ESRP2: variants seen among roughly 807,000 people sequenced by gnomAD.
ESRP2 encodes RNA binding motif protein 35A.
A neutral mutation model predicts 78.6 loss-of-function variants in ESRP2; 48 were observed. That is an observed-to-expected ratio of 0.61 (90% confidence interval 0.48 to 0.78). The LOEUF is 0.78. Among genes scored for constraint, ESRP2 ranks in the 30% least tolerant of loss-of-function variants. The pLI is 0.00. For synonymous variants in ESRP2, 383 were observed against 406.7 expected (o/e 0.94, Z 0.70); for missense variants, 863 against 965.9 (o/e 0.89, Z 1.41).
rs2042163616 is a variant in ESRP2, at chr16:68,232,771, T to A, written c.700A>T (p.Thr234Ser). The change falls in exon 6 of 15, where the codon ACG (threonine) becomes TCG (serine). Residue 234 changes from threonine to serine, a missense_variant. Transcript: ENST00000473183. The surrounding 1 kb of genome is among the most constrained non-coding windows in gnomAD (Gnocchi z 5.2). ...TGCTCCCACACTCACCAAGGCCCCGTCTCGTATTTCTGCTTTATCACCTCG... is the reference window on the plus strand; with the variant it reads ...TGCTCCCACACTCACCAAGGCCCCGACTCGTATTTCTGCTTTATCACCTCG... Reference protein sequence around the residue: ...KPEVIKQKYETGPCSKADVVD... With the variant: ...KPEVIKQKYESGPCSKADVVD... The A allele has an allele frequency of 2.5e-6, 4 of 1,614,218 alleles. No homozygotes were observed. The highest frequency in any genetic ancestry group is 1.7e-6 in the Non-Finnish European group (2 of 1,180,032).
Position 68,235,981 on chromosome 16 carries a change from T to C in ESRP2, c.65A>G (p.Asp22Gly). 1 of 1,592,550 alleles carries C rather than the reference T, an allele frequency of 6.3e-7. No individual in the cohort carries two copies. The highest frequency in any genetic ancestry group is 8.5e-7 in the Non-Finnish European group (1 of 1,171,750). The change falls in exon 1 of 15, where the codon GAC (aspartate) becomes GGC (glycine). Residue 22 changes from aspartate to glycine, a missense_variant. Asp to Gly is a moderately conservative substitution (Grantham distance 94). Transcript: ENST00000473183. The surrounding 1 kb of genome is among the most constrained non-coding windows in gnomAD (Gnocchi z 5.5). ...CAGTGATCCGGGCCAGGGGCAGGGG[T>C]CCGCGGCGGGGTCGGCCGCGGGGTC... ...GPDPAADPAA[D>G]PCPWPGSLVV...
chr16:68,230,659 C>T (rs976795198), intron 13 of ESRP2, 105 bp from the exon 14 acceptor site: 73 of 1,438,862 alleles, frequency 5.1e-5, no homozygotes, highest in Admixed American at 9.1e-5. Context: ...TTCAGTTCCT[C>T]CCTGAAGCCC....
intron 13 of ESRP2, 78 bp from the exon 14 acceptor site, chr16:68,230,632 T>G: frequency 6.7e-7 from 1 of 1,489,100 alleles, no homozygotes; most frequent in Middle Eastern, 2.4e-4. Context: ...CCTCCCTTGT[T>G]TCTGCCTTGT....
rs139310835 is a variant in ESRP2 at position 68,232,484 on chromosome 16, G to T, written c.841C>A (p.Leu281Ile). 4.3e-6 allele frequency: 7 copies of T among 1,614,174 alleles called. 1 individual carries two copies. The South Asian group carries it at 7.7e-5, about 18-fold the overall frequency. The change falls in exon 8 of 15, where the codon CTC becomes ATC. Residue 281 changes from leucine (L) to isoleucine (I), a missense_variant. By Grantham distance (5) the Leu-to-Ile change is conservative. Transcript: ENST00000473183. The surrounding 1 kb of genome is among the most constrained non-coding windows in gnomAD (Gnocchi z 5.2). ...CCATTTCTGCGGCCCTGGGCGTTGA[G>T]GCAGAGTGCTACACCACCCCTGTGG... ...NVARGGVALC[L>I]NAQGRRNGEA...
Position 68,232,177 on chromosome 16 carries a change from C to T in ESRP2, c.997+69G>A. ...TCACCCATGCAGGGGAGCAGGCAGG[C>T]AAGGGGTGGTGGGGAAGTGAAATGG... On this transcript the variant is annotated intron_variant, in intron 9 of 14. Transcript: ENST00000473183. This position sits in a 1 kb window ranked among gnomAD's most constrained non-coding sequence, Gnocchi z 5.2. 6.2e-7 allele frequency: 1 copy of T among 1,613,136 alleles called. No homozygotes were observed. Among genetic ancestry groups the T allele is most frequent in the Non-Finnish European group, 8.5e-7 (1 of 1,179,432 alleles).
At position 68,232,624 on chromosome 16, in the gene ESRP2, T is replaced by G; in HGVS notation, c.774A>C (p.Ser258=). The G allele has an allele frequency of 6.2e-7, 1 of 1,614,158 alleles. No individual in the cohort carries two copies. The highest frequency in any genetic ancestry group is 8.5e-7 in the Non-Finnish European group (1 of 1,180,040). ...AGAAGCGAGCCACGTCCTGGTCTGA[T>G]GACTGCCACGGCAACCCACGAGCCC... ...VVRARGLPWQ[S]SDQDVARFFK... The change falls in exon 7 of 15, where the codon TCA becomes TCC. Residue 258 remains serine, a synonymous_variant. Transcript: ENST00000473183. The surrounding 1 kb of genome is among the most constrained non-coding windows in gnomAD (Gnocchi z 5.2).
In ESRP2 at chr16:68,232,685, C is replaced by T. The variant is rs145203951; in HGVS notation, c.713G>A (p.Ser238Asn). Residue 238 changes from serine (S) to asparagine (N), a missense_variant and splice_region_variant, in exon 7 of 15, where the codon AGC becomes AAC. By Grantham distance (46) the Ser-to-Asn change is conservative. Transcript: ENST00000473183. This position sits in a 1 kb window ranked among gnomAD's most constrained non-coding sequence, Gnocchi z 5.2. ...CTCACTGTCCACCACATCAGCCTTG[C>T]TGCTGTAGGGGCAGGGCACAGTGCT... is the stretch of plus-strand genomic sequence containing the variant. ...IKQKYETGPC[S>N]KADVVDSETV... 3 of 1,614,124 alleles carry T rather than the reference C, an allele frequency of 1.9e-6. No homozygotes were observed. The highest frequency in any genetic ancestry group is 2.5e-6 in the Non-Finnish European group (3 of 1,180,040).
Position 68,235,628 on chromosome 16 carries a change from G to C in ESRP2, c.327+6C>G, listed in dbSNP as rs760804981. On this transcript the variant is annotated splice_donor_region_variant and intron_variant, in intron 2 of 14. Coordinates refer to ENST00000473183, the MANE Select transcript of ESRP2 (RefSeq NM_024939.3). This position sits in a 1 kb window ranked among gnomAD's most constrained non-coding sequence, Gnocchi z 5.5. ...AGGCCATGCCGCCACCCACCCCGGC[G>C]CTCACCTGCTGCAGCACCTTGTCCA... 2 of 1,596,966 alleles carry C rather than the reference G, an allele frequency of 1.3e-6. No homozygotes were observed. Among genetic ancestry groups the C allele is most frequent in the Non-Finnish European group, 1.7e-6 (2 of 1,179,092 alleles).
chr16:68,235,845 T>A lies in ESRP2; in HGVS notation c.198+3A>T. ...GGACCTCACCGCCTCTTTTCCACCCTACCTGGCGGCTCCGCGGCTCAACCA... is the reference window on the plus strand; with the variant it reads ...GGACCTCACCGCCTCTTTTCCACCCAACCTGGCGGCTCCGCGGCTCAACCA... On this transcript the variant is annotated splice_donor_region_variant and intron_variant, in intron 1 of 14. Coordinates refer to ENST00000473183, the MANE Select transcript of ESRP2 (RefSeq NM_024939.3). This position sits in a 1 kb window ranked among gnomAD's most constrained non-coding sequence, Gnocchi z 5.5. The A allele has an allele frequency of 6.2e-7, 1 of 1,611,816 alleles. No individual in the cohort carries two copies. Among genetic ancestry groups the A allele is most frequent in the Middle Eastern group, 1.7e-4 (1 of 6,060 alleles).
intron 2 of ESRP2, chr16:68,234,368 A>T (rs549885175): frequency 1.4e-4 from 60 of 415,916 alleles, no homozygotes; most frequent in Non-Finnish European, 2.3e-4. Context: ...CAACACACAC[A>T]CTCCAGGAGT....
At chr16:68,233,068 A>C in intron 5 of ESRP2, 2 of 616,082 alleles carry the variant, frequency 3.2e-6, no homozygotes, top group Non-Finnish European at 5.7e-6. Flanking sequence ...GCATGGTGGC[A>C]GGCGCCTATA....
In ESRP2 at chr16:68,231,813, C is replaced by G; in HGVS notation, c.1288G>C (p.Glu430Gln). The G allele has an allele frequency of 6.2e-7, 1 of 1,608,956 alleles. No homozygotes were observed. Among genetic ancestry groups the G allele is most frequent in the South Asian group, 1.1e-5 (1 of 91,002 alleles). The change falls in exon 10 of 15, where the codon GAA (glutamate) becomes CAA (glutamine). Residue 430 changes from glutamate to glutamine, a missense_variant. Physicochemically the swap from Glu to Gln is conservative, Grantham distance 29 (BLOSUM62 2). Coordinates refer to ENST00000473183, the MANE Select transcript of ESRP2 (RefSeq NM_024939.3). This position sits in a 1 kb window ranked among gnomAD's most constrained non-coding sequence, Gnocchi z 6.0. ...CCCTGGGCGCTCACCTGCTGCACTT[C>G]GGCTGCAGTGCTCCGGAAGAGTTCA... ...YIELFRSTAA[E>Q]VQQVLNRYAS...
chr16:68,235,536 C>A lies in ESRP2; in HGVS notation c.327+98G>T. The A allele has an allele frequency of 6.6e-7, 1 of 1,519,580 alleles. No homozygotes were observed. The highest frequency in any genetic ancestry group is 2.0e-5 in the Admixed American group (1 of 48,950). 94.1% of individuals were successfully genotyped at this position (1,519,580 alleles called of 1,614,324 possible). On this transcript the variant is annotated intron_variant, in intron 2 of 14. Coordinates refer to ENST00000473183, the MANE Select transcript of ESRP2 (RefSeq NM_024939.3). The surrounding 1 kb of genome is among the most constrained non-coding windows in gnomAD (Gnocchi z 5.5). ...AAGAGCCCAGTCCTGCCGCCTGGAC[C>A]GGTTGGTTGCGGCACGCCAGGCCTA...
At position 68,235,364 on chromosome 16, in the gene ESRP2, C is replaced by A. The variant is rs1009904136; in HGVS notation, c.327+270G>T. 1 of 985,442 alleles carries A rather than the reference C, an allele frequency of 1.0e-6. No individual in the cohort carries two copies. Among genetic ancestry groups the A allele is most frequent in the South Asian group, 4.7e-5 (1 of 21,288 alleles). The allele number at this position is 985,442 out of a possible 1,614,324, so 61.0% of individuals were successfully genotyped here. A position where few individuals can be genotyped will look rare whatever the true frequency, so the allele number is the denominator to read the frequency against. ...CTCGGCCTCGCTCCCCGGGCGGGAA[C>A]TGGGGATGGATCCCAAAGCCTGCGT... is the stretch of plus-strand genomic sequence containing the variant. On this transcript the variant is annotated intron_variant, in intron 2 of 14. Coordinates refer to ENST00000473183, the MANE Select transcript of ESRP2 (RefSeq NM_024939.3). This position sits in a 1 kb window ranked among gnomAD's most constrained non-coding sequence, Gnocchi z 5.5.
rs766467821 is a variant in ESRP2, at chr16:68,230,824, T to C, written c.1898+17A>G. Reference sequence around the variant, plus strand: ...GACAGGGAGTGGGACTGTGATATTCTCTTAGCTGCAGGGTACCTTGGGTAG... The same window carrying C: ...GACAGGGAGTGGGACTGTGATATTCCCTTAGCTGCAGGGTACCTTGGGTAG... On this transcript the variant is annotated intron_variant, in intron 13 of 14. Coordinates refer to ENST00000473183, the MANE Select transcript of ESRP2 (RefSeq NM_024939.3). 1.6e-5 allele frequency: 26 copies of C among 1,613,696 alleles called. No individual in the cohort carries two copies. Among genetic ancestry groups the C allele is most frequent in the Non-Finnish European group, 2.1e-5 (25 of 1,179,840 alleles).
In ESRP2 at chr16:68,231,920, T is replaced by A. The variant is rs2042146610; in HGVS notation, c.1181A>T (p.Asp394Val). ...VRHPDGRPTGDAFALFACEEL... is the reference protein window; with the variant it reads ...VRHPDGRPTGVAFALFACEEL... Reference sequence around the variant, plus strand: ...CTCACAAGCAAAGAGGGCGAAGGCATCACCAGTCGGCCGGCCATCAGGATG... The same window carrying A: ...CTCACAAGCAAAGAGGGCGAAGGCAACACCAGTCGGCCGGCCATCAGGATG... The change falls in exon 10 of 15, where the codon GAT becomes GTT. Residue 394 changes from aspartate (D) to valine (V), a missense_variant. Coordinates refer to ENST00000473183, the MANE Select transcript of ESRP2 (RefSeq NM_024939.3). This position sits in a 1 kb window ranked among gnomAD's most constrained non-coding sequence, Gnocchi z 6.0. The A allele has an allele frequency of 1.2e-6, 2 of 1,613,926 alleles. No individual in the cohort carries two copies. Among genetic ancestry groups the A allele is most frequent in the East Asian group, 4.5e-5 (2 of 44,868 alleles).
intron 2 of ESRP2, 140 bp from the exon 3 acceptor site, chr16:68,234,247 A>T (rs1401008183): frequency 6.1e-6 from 4 of 650,802 alleles, no homozygotes; most frequent in Admixed American, 2.7e-5. Flanking sequence ...ATAAGAGGCC[A>T]CGCCTGTTGA....
At chr16:68,230,752 G>A in intron 13 of ESRP2, 89 bp downstream of exon 13, 2 of 1,546,406 alleles carry the variant, frequency 1.3e-6, no homozygotes, top group Non-Finnish European at 1.8e-6. Flanking sequence ...TCTCAAGGGA[G>A]GAGTTATCTG....
At chr16:68,234,465 G>A in intron 2 of ESRP2, 1 of 191,924 alleles carries the variant, frequency 5.2e-6, no homozygotes, top group East Asian at 1.5e-4. Context: ...TCTTTGACCG[G>A]GTACCACCCT....
Sources: allele counts gnomAD v4.1 joint callset, GRCh38; gene constraint gnomAD v4.1.1; non-coding constraint Gnocchi (gnomAD v3.1); transcripts MANE v1.5; gene names NCBI Gene and HGNC (gene_info 2026-07-23, HGNC 2026-07-21).